The following ENTPD3 variants were observed in gnomAD, a reference collection of about 807,000 sequenced individuals.
The protein encoded by ENTPD3 is ectonucleoside triphosphate diphosphohydrolase 3, also known as CD39 antigen-like 3.
In ENTPD3, 60 loss-of-function variants were observed where a neutral mutation model predicts 51.2. The ratio of observed to expected loss-of-function variants is 1.17; its 90% CI spans 0.95 to 1.45. The LOEUF is 1.45. ENTPD3 is among the 40% of genes most tolerant of loss of function. ENTPD3 has a pLI of 0.00. For synonymous variants in ENTPD3, 221 were observed against 238.4 expected (o/e 0.93, Z 0.67); for missense variants, 593 against 641.1 (o/e 0.93, Z 0.81).
At chr3:40,397,115 G>GTTTATTT (rs1437880969) in intron 3 of ENTPD3, among the ~76,000 whole-genome samples, 2 of 23,884 alleles carry the variant, frequency 8.4e-5, no homozygotes, top group Non-Finnish European at 1.9e-4. Flanking sequence ...TGGATAATTA[G>GTTTATTT]TTTCTTTTTT....
At chr3:40,418,180 G>A (rs1575229526) in intron 7 of ENTPD3, among the ~76,000 whole-genome samples, 1 of 152,280 alleles carries the variant, frequency 6.6e-6, no homozygotes. Flanking sequence ...AGGGACACAT[G>A]TCTTCAATTT....
At chr3:40,420,485 C>T (rs555594036) in intron 7 of ENTPD3, among the ~76,000 whole-genome samples, 29 of 152,122 alleles carry the variant, frequency 1.9e-4, no homozygotes, top group African/African-American at 5.8e-4. Flanking sequence ...GTGATCCGCC[C>T]GCCTTGGCCT....
intron 2 of ENTPD3, among the ~76,000 whole-genome samples, chr3:40,388,572 G>GCACA (rs1426786871): frequency 4.3e-5 from 4 of 94,030 alleles, no homozygotes; most frequent in Non-Finnish European, 6.9e-5. Flanking sequence ...ACACTGGAAG[G>GCACA]CACACACACA....
chr3:40,397,115 G>GTTTTTTTTT (rs1437880969), intron 3 of ENTPD3, among the ~76,000 whole-genome samples: 11 of 23,852 alleles, frequency 4.6e-4, no homozygotes, highest in Admixed American at 6.5e-4. Context: ...TGGATAATTA[G>GTTTTTTTTT]TTTCTTTTTT....
chr3:40,404,896 G>A (rs1412368851), intron 4 of ENTPD3, among the ~76,000 whole-genome samples: 1 of 152,140 alleles, frequency 6.6e-6, no homozygotes, highest in Non-Finnish European at 1.5e-5. Flanking sequence ...TTTCTGGTTG[G>A]TATCAACCCC....
chr3:40,388,851 G>T (rs956222810), intron 2 of ENTPD3, among the ~76,000 whole-genome samples: 1 of 152,122 alleles, frequency 6.6e-6, no homozygotes, highest in Non-Finnish European at 1.5e-5. Context: ...GTTTGCTTAA[G>T]GTAATCATAG....
At chr3:40,411,174 C>T (rs1955620496) in intron 4 of ENTPD3, among the ~76,000 whole-genome samples, 1 of 151,532 alleles carries the variant, frequency 6.6e-6, no homozygotes. Context: ...GCCTGTAATT[C>T]CAGCTACTCA....
rs145708878 is a variant in ENTPD3, at chr3:40,398,074, G to T, written c.169-2820G>T. 1.5e-4 allele frequency among the ~76,000 whole-genome samples: 23 copies of T among 152,288 alleles called. No individual in the cohort carries two copies. In the East Asian group the frequency reaches 4.4e-3, roughly 29 times the overall value. On this transcript the variant is annotated intron_variant, in intron 3 of 10. Transcript: ENST00000301825. The stretch of plus-strand genomic sequence containing the variant: ...GAAAATGTCAGTGAATGATGGTAGG[G>T]CTAGATCCGTGTGAGTCGGTAGAGG...
chr3:40,399,368 C>G (rs1354940683), intron 3 of ENTPD3: 1 of 152,050 alleles, frequency 6.6e-6, no homozygotes, highest in African/African-American at 2.4e-5. Flanking sequence ...ATGCTAATAG[C>G]CTGTATTTAT....
intron 2 of ENTPD3, among the ~76,000 whole-genome samples, chr3:40,390,763 A>G (rs1955034307): frequency 6.6e-6 from 1 of 152,166 alleles, no homozygotes; most frequent in South Asian, 2.1e-4. Flanking sequence ...GAGTTTTGAC[A>G]AATGCACACA....
chr3:40,412,756 G>C (rs977738691), intron 5 of ENTPD3, among the ~76,000 whole-genome samples: 2 of 152,064 alleles, frequency 1.3e-5, no homozygotes, highest in Non-Finnish European at 2.9e-5. Context: ...AACAAACAGA[G>C]CTCCTTTAAC....
Position 40,427,613 on chromosome 3 carries a change from A to C in ENTPD3, c.*105A>C. On this transcript the variant is annotated 3_prime_UTR_variant, in exon 11 of 11. Transcript: ENST00000301825. ...GCCTTCAGGAAATACAACTAACTAA[A>C]ATCAAACACCTAGGTCACGTGCCTC... The C allele has an allele frequency of 1.2e-6, 1 of 815,040 alleles. No homozygotes were observed. 50.5% of individuals were successfully genotyped at this position (815,040 alleles called of 1,614,324 possible). A position where few individuals can be genotyped will look rare whatever the true frequency, so the allele number is the denominator to read the frequency against.
Position 40,387,254 on chromosome 3 carries a change from C to T in ENTPD3, c.-20C>T, listed in dbSNP as rs1954960304. 6.6e-6 allele frequency: 1 copy of T among 152,344 alleles called. No homozygotes were observed. Among genetic ancestry groups the T allele is most frequent in the African/African-American group, 2.4e-5 (1 of 41,458 alleles). The allele number at this position is 152,344 out of a possible 1,614,324, so 9.4% of individuals were successfully genotyped here. On this transcript the variant is annotated 5_prime_UTR_variant, in exon 1 of 11. Coordinates refer to ENST00000301825, the MANE Select transcript of ENTPD3 (RefSeq NM_001248.4). ...GCTAGTCGCCTTCTCCGAATCGGCT[C>T]CGCACAGGTAAGATCAGGGGACCCG...
intron 2 of ENTPD3, chr3:40,391,113 T>A (rs1326172395): frequency 6.6e-6 from 1 of 151,934 alleles, no homozygotes; most frequent in Non-Finnish European, 1.5e-5. Flanking sequence ...CAGGCGCATA[T>A]GATCACACCT....
At chr3:40,398,406 A>C (rs1955260668) in intron 3 of ENTPD3, among the ~76,000 whole-genome samples, 1 of 152,172 alleles carries the variant, frequency 6.6e-6, no homozygotes, top group African/African-American at 2.4e-5. Context: ...AGTGGTGGTG[A>C]TCAGGTCAGG....
At position 40,427,245 on chromosome 3, in the gene ENTPD3, C is replaced by T. The variant is rs747172417; in HGVS notation, c.1354-27C>T. 25 of 1,567,768 alleles carry T rather than the reference C, an allele frequency of 1.6e-5. 1 individual carries two copies. In the Middle Eastern group the frequency reaches 1.2e-3, roughly 73 times the overall value. ...TTGCAGCCTTGAGCCTTGCCCTGAG[C>T]GCTGAGCCATCTCCTCTACTCCACA... On this transcript the variant is annotated intron_variant, in intron 10 of 10. Coordinates refer to ENST00000301825, the MANE Select transcript of ENTPD3 (RefSeq NM_001248.4).
chr3:40,409,270 T>C (rs1167252608), intron 4 of ENTPD3, among the ~76,000 whole-genome samples: 2 of 152,068 alleles, frequency 1.3e-5, no homozygotes, highest in Admixed American at 1.3e-4. Context: ...AAATTATATA[T>C]ACATACGTAT....
chr3:40,401,879 A>G (rs1054330790), intron 4 of ENTPD3, among the ~76,000 whole-genome samples: 1 of 152,178 alleles, frequency 6.6e-6, no homozygotes, highest in African/African-American at 2.4e-5. Flanking sequence ...TCCGCCATGC[A>G]GCTCCCTGTC....
At chr3:40,413,253 A>G (rs1192427396) in intron 5 of ENTPD3, among the ~76,000 whole-genome samples, 2 of 152,072 alleles carry the variant, frequency 1.3e-5, no homozygotes, top group Admixed American at 6.6e-5. Flanking sequence ...TTCAATTCCC[A>G]TTTTCAGACT....
Sources: gnomAD v4.1 joint callset for allele counts (sites outside exome capture counted in the v4.1 genomes callset) on GRCh38, gnomAD v4.1.1 for gene constraint, MANE v1.5 for transcripts, NCBI Gene and HGNC (gene_info 2026-07-23, HGNC 2026-07-21) for gene names.